Variants in COL24A1 observed in about 807,000 individuals in gnomAD.
COL24A1 encodes collagen alpha-1(XXIV) chain.
In COL24A1, 224 loss-of-function variants were observed where a neutral mutation model predicts 253.9. The ratio of observed to expected loss-of-function variants is 0.88; its 90% confidence interval spans 0.79 to 0.99. The LOEUF (loss-of-function observed/expected upper bound fraction) is 0.99. Among genes scored for constraint, COL24A1 ranks in the 50% least tolerant of loss-of-function variants. COL24A1 has a pLI of 0.00. For synonymous variants in COL24A1, 685 were observed against 673.7 expected (o/e 1.02, Z -0.26); for missense variants, 2,131 against 2,068.5 (o/e 1.03, Z -0.59).
chr1:86,029,758 G>A (rs1005912163), intron 14 of COL24A1: 2 of 151,598 alleles, frequency 1.3e-5, no homozygotes, highest in African/African-American at 4.8e-5. Context: ...AGAGACTACA[G>A]GTGTGCTCTA....
chr1:85,776,055 T>C (rs1344121602), intron 52 of COL24A1, among the ~76,000 whole-genome samples: 1 of 152,208 alleles, frequency 6.6e-6, no homozygotes, highest in Non-Finnish European at 1.5e-5. Context: ...TAAATTCTTC[T>C]AATAATTGTT....
chr1:85,918,301 A>G (rs1686105679), intron 24 of COL24A1, among the ~76,000 whole-genome samples: 1 of 151,992 alleles, frequency 6.6e-6, no homozygotes, highest in African/African-American at 2.4e-5. Context: ...TAAGATAGGG[A>G]TCCAGTTTTA....
At chr1:85,940,506 A>C (rs566495686) in intron 24 of COL24A1, among the ~76,000 whole-genome samples, 1 of 151,948 alleles carries the variant, frequency 6.6e-6, no homozygotes, top group South Asian at 2.1e-4. Context: ...AATACATGCA[A>C]GGCATGCTAA....
chr1:86,146,280 A>T, intron 1 of COL24A1, 97 bp from the exon 2 acceptor site: 1 of 853,888 alleles, frequency 1.2e-6, no homozygotes, highest in South Asian at 1.7e-5. Flanking sequence ...AGAATTAAGC[A>T]ATTATTTTAA....
At chr1:85,788,109 G>A (rs313712) in intron 47 of COL24A1, among the ~76,000 whole-genome samples, 113,333 of 151,552 alleles carry the variant, frequency 0.75, 44,814 homozygotes, top group Non-Finnish European at 0.89. Context: ...ATGTTTTTTG[G>A]AGACAGAGTC....
intron 6 of COL24A1, 46 bp downstream of exon 6, chr1:86,092,221 G>T (rs1194109678): frequency 1.4e-6 from 2 of 1,398,468 alleles, no homozygotes; most frequent in South Asian, 1.3e-5. Flanking sequence ...ATTTTAAAAT[G>T]CTTGAAATAT....
intron 7 of COL24A1, among the ~76,000 whole-genome samples, chr1:86,078,366 C>T (rs1702404411): frequency 6.6e-6 from 1 of 152,130 alleles, no homozygotes; most frequent in Admixed American, 6.6e-5. Context: ...TGGGAAAATA[C>T]TGAAAGCTTT....
chr1:86,116,425 G>T (rs557625890), intron 3 of COL24A1, among the ~76,000 whole-genome samples: 1 of 152,002 alleles, frequency 6.6e-6, no homozygotes. Flanking sequence ...ATGAATCCAG[G>T]TTAAATCATA....
intron 19 of COL24A1, among the ~76,000 whole-genome samples, chr1:86,006,392 A>G (rs1428670908): frequency 3.3e-5 from 5 of 152,254 alleles, no homozygotes; most frequent in Admixed American, 3.3e-4. Context: ...CAAAGGAGCG[A>G]AGGCAGTACA....
At chr1:85,975,715 A>G (rs2100808493) in intron 20 of COL24A1, among the ~76,000 whole-genome samples, 3 of 152,270 alleles carry the variant, frequency 2.0e-5, no homozygotes, top group Middle Eastern at 3.4e-3. Flanking sequence ...AGTACCAGGA[A>G]AACTTAAGGA....
chr1:85,933,086 A>T (rs1687918476), intron 24 of COL24A1, among the ~76,000 whole-genome samples: 1 of 85,484 alleles, frequency 1.2e-5, no homozygotes, highest in Non-Finnish European at 2.6e-5. Flanking sequence ...TTAGAGTATA[A>T]TAAAAAAAAA....
At chr1:85,884,603 C>T (rs1682249205) in intron 32 of COL24A1, among the ~76,000 whole-genome samples, 1 of 152,124 alleles carries the variant, frequency 6.6e-6, no homozygotes, top group Non-Finnish European at 1.5e-5. Flanking sequence ...TACCCTTCTT[C>T]CACATCAAAG....
At chr1:86,042,302 C>T (rs1447627108) in intron 12 of COL24A1, among the ~76,000 whole-genome samples, 1 of 152,088 alleles carries the variant, frequency 6.6e-6, no homozygotes, top group African/African-American at 2.4e-5. Context: ...TTTAAATAAT[C>T]TTTGGTTCTA....
At chr1:86,140,429 GA>G (rs1650910901) in intron 2 of COL24A1, among the ~76,000 whole-genome samples, 1 of 152,198 alleles carries the variant, frequency 6.6e-6, no homozygotes, top group South Asian at 2.1e-4. Context: ...TATAAAATGA[GA>G]AATGAAGCTC....
chr1:85,945,002 G>GTTTTTTTTTTTTTTT lies in COL24A1; in HGVS notation c.2562+16232_2562+16246dup, dbSNP rs1165341082. Among the ~76,000 whole-genome samples the GTTTTTTTTTTTTTTT allele has an allele frequency of 2.3e-4, 8 of 35,358 alleles. 2 individuals are homozygous for GTTTTTTTTTTTTTTT. Among genetic ancestry groups the GTTTTTTTTTTTTTTT allele is most frequent in the Non-Finnish European group, 3.4e-4 (7 of 20,738 alleles). The allele number at this position is 35,358 out of a possible 152,430, so 23.2% of individuals were successfully genotyped here. On this transcript the variant is annotated intron_variant, in intron 24 of 59. Transcript: ENST00000370571. ...TTTTCTTAATCCAGTCTATCATTGT[G>GTTTTTTTTTTTTTTT]TTTTTTTTTTTTTTTTTTTTTTTTT...
At chr1:85,998,173 T>C (rs1695036636) in intron 19 of COL24A1, among the ~76,000 whole-genome samples, 1 of 152,196 alleles carries the variant, frequency 6.6e-6, no homozygotes, top group South Asian at 2.1e-4. Context: ...TACATACATC[T>C]AGCTTCTTCA....
intron 59 of COL24A1, among the ~76,000 whole-genome samples, chr1:85,732,234 CTT>C (rs747341554): frequency 6.9e-5 from 10 of 145,964 alleles, no homozygotes; most frequent in Non-Finnish European, 6.1e-5. Context: ...CTTTTCTTTT[CTT>C]TTTTTTTTTT....
intron 14 of COL24A1, among the ~76,000 whole-genome samples, chr1:86,023,754 G>A (rs1043427505): frequency 6.6e-6 from 1 of 151,752 alleles, no homozygotes; most frequent in Non-Finnish European, 1.5e-5. Context: ...AAGACAAAGG[G>A]CAATAGCAAC....
intron 35 of COL24A1, among the ~76,000 whole-genome samples, chr1:85,869,782 G>C (rs575819414): frequency 6.6e-6 from 1 of 152,224 alleles, no homozygotes; most frequent in East Asian, 1.9e-4. Flanking sequence ...GGAAGAAACT[G>C]CATCAACTAA....
Sources: allele counts gnomAD v4.1 joint callset (sites outside exome capture counted in the v4.1 genomes callset), GRCh38; gene constraint gnomAD v4.1.1; transcripts MANE v1.5; gene names NCBI Gene and HGNC (gene_info 2026-07-23, HGNC 2026-07-21).